Variants in C1QC observed in about 807,000 individuals in gnomAD.
C1QC encodes complement C1q subcomponent subunit C.
Under a neutral mutation model 5.9 loss-of-function variants are expected in C1QC, and 4 were observed. The observed-to-expected ratio is 0.68, with a 90% CI of 0.33 to 1.55. The LOEUF (loss-of-function observed/expected upper bound fraction) is 1.55, where lower values mean the gene tolerates loss of function less well. Among genes scored for constraint, C1QC ranks in the 40% most tolerant of loss-of-function variants. The probability of loss-of-function intolerance (pLI) is 0.06; values close to 1 mark genes in which losing one functional copy is unlikely to be tolerated. For missense variants in C1QC, 299 were observed against 326.9 expected (o/e 0.91, Z 0.66); for synonymous variants, 166 against 153.8 (o/e 1.08, Z -0.59).
chr1:22,647,665 T>G lies in C1QC; in HGVS notation c.620T>G (p.Val207Gly). 6.2e-7 allele frequency: 1 copy of G among 1,612,094 alleles called. No individual in the cohort carries two copies. The highest frequency in any genetic ancestry group is 8.5e-7 in the Non-Finnish European group (1 of 1,179,824). The change falls in exon 3 of 3, where the codon GTG (valine) becomes GGG (glycine). Residue 207 changes from valine (V) to glycine (G), a missense_variant. Coordinates refer to ENST00000374640, the MANE Select transcript of C1QC (RefSeq NM_172369.5). ...ACCAATCAGGTCAACTCGGGCGGTG[T>G]GCTGCTGAGGTTGCAGGTGGGCGAG... Reference protein sequence around the residue: ...SKTNQVNSGGVLLRLQVGEEV... With the variant: ...SKTNQVNSGGGLLRLQVGEEV...
At chr1:22,645,698 C>T (rs892082114) in intron 2 of C1QC, among the ~76,000 whole-genome samples, 47 of 152,344 alleles carry the variant, frequency 3.1e-4, no homozygotes, top group African/African-American at 1.1e-3. Flanking sequence ...GCCTGTCCCA[C>T]TCCACCCTTT....
chr1:22,644,983 G>C lies in C1QC; in HGVS notation c.181+779G>C, dbSNP rs373808317. On this transcript the variant is annotated intron_variant, in intron 2 of 2. Transcript: ENST00000374640. The stretch of plus-strand genomic sequence containing the variant: ...ACTGGGGCTGGAACTGGAGCCCTGG[G>C]GGGTATGAGTGCCTTGTCTGTGAGT... Among the ~76,000 whole-genome samples, 15 of 152,236 alleles carry C rather than the reference G, an allele frequency of 9.9e-5. No homozygotes were observed. In the East Asian group the frequency reaches 1.7e-3, roughly 18 times the overall value.
chr1:22,644,953 G>C (rs672693), intron 2 of C1QC, among the ~76,000 whole-genome samples: 1 of 151,842 alleles, frequency 6.6e-6, no homozygotes, highest in Non-Finnish European at 1.5e-5. Context: ...GGCTATGAAT[G>C]GGTGACTGGG....
chr1:22,646,679 A>T (rs922304012), intron 2 of C1QC, among the ~76,000 whole-genome samples: 3 of 152,218 alleles, frequency 2.0e-5, no homozygotes, highest in African/African-American at 2.4e-5. Flanking sequence ...CAGAAATACA[A>T]AATTAGGCAA....
Position 22,647,750 on chromosome 1 carries a change from C to A in C1QC, c.705C>A (p.Ser235Arg). 1 of 1,600,198 alleles carries A rather than the reference C, an allele frequency of 6.2e-7. No individual in the cohort carries two copies. The highest frequency in any genetic ancestry group is 8.5e-7 in the Non-Finnish European group (1 of 1,179,952). The change falls in exon 3 of 3, where the codon AGC becomes AGA. Residue 235 changes from serine (S) to arginine (R), a missense_variant. Ser to Arg is a moderately radical substitution (Grantham distance 110). This residue lies in a region of C1QC where 144 missense variants were observed against 155.1 expected (regional missense o/e 0.93). Transcript: ENST00000374640. ...YDMVGIQGSD[S>R]VFSGFLLFPD ...TGGTGGGCATCCAGGGCTCTGACAG[C>A]GTCTTCTCCGGCTTCCTGCTCTTCC...
In C1QC at chr1:22,647,251, G is replaced by A. The variant is rs781559868; in HGVS notation, c.206G>A (p.Arg69Gln). The A allele has an allele frequency of 5.6e-6, 9 of 1,608,216 alleles. No homozygotes were observed. The highest frequency in any genetic ancestry group is 2.2e-5 in the East Asian group (1 of 44,864). ...GGAATCCCAGCCATTCCCGGGATCC[G>A]AGGACCCAAAGGGCAGAAGGGAGAA... Reference protein sequence around the residue: ...EPGIPAIPGIRGPKGQKGEPG... With the variant: ...EPGIPAIPGIQGPKGQKGEPG... Residue 69 changes from arginine (R) to glutamine (Q), a missense_variant, in exon 3 of 3, where the codon CGA (arginine) becomes CAA (glutamine). By Grantham distance (43) the Arg-to-Gln change is conservative (BLOSUM62 1). Coordinates refer to ENST00000374640, the MANE Select transcript of C1QC (RefSeq NM_172369.5).
chr1:22,644,346 C>T (rs1302808503), intron 2 of C1QC, 142 bp downstream of exon 2: 33 of 1,162,924 alleles, frequency 2.8e-5, no homozygotes, highest in Non-Finnish European at 3.5e-5. Flanking sequence ...TGGACTCTCA[C>T]GGTGTGTCTG....
rs761295433 is a variant in C1QC, at chr1:22,647,771, C to T, written c.726C>T (p.Leu242=). The change falls in exon 3 of 3, where the codon CTC becomes CTT. Residue 242 remains leucine (L), a synonymous_variant. Coordinates refer to ENST00000374640, the MANE Select transcript of C1QC (RefSeq NM_172369.5). ...GSDSVFSGFL[L]FPD is the part of the protein sequence containing the mutation. ...ACAGCGTCTTCTCCGGCTTCCTGCT[C>T]TTCCCCGACTAGGGCGGGCAGATGC... The T allele has an allele frequency of 4.4e-6, 7 of 1,599,686 alleles. No homozygotes were observed. Among genetic ancestry groups the T allele is most frequent in the African/African-American group, 4.0e-5 (3 of 74,930 alleles).
rs367838299 is a variant in C1QC, at chr1:22,644,031, T to C, written c.8T>C (p.Val3Ala). ...CCCAGTTCCTTCTCCGGGATGGACGTGGGGCCCAGCTCCCTGCCCCACCTT... is the reference window on the plus strand; with the variant it reads ...CCCAGTTCCTTCTCCGGGATGGACGCGGGGCCCAGCTCCCTGCCCCACCTT... The part of the protein sequence containing the change: MD[V>A]GPSSLPHLGL... Residue 3 changes from valine to alanine, a missense_variant, in exon 2 of 3, where the codon GTG (valine) becomes GCG (alanine). This residue lies in a region of C1QC where 146 missense variants were observed against 144.1 expected (regional missense o/e 1.01). Coordinates refer to ENST00000374640, the MANE Select transcript of C1QC (RefSeq NM_172369.5). The C allele has an allele frequency of 4.8e-4, 763 of 1,590,898 alleles. 10 individuals are homozygous for C. In the South Asian group the frequency reaches 7.5e-3, roughly 16 times the overall value.
intron 2 of C1QC, among the ~76,000 whole-genome samples, chr1:22,645,564 C>T (rs1204865718): frequency 6.6e-6 from 1 of 152,156 alleles, no homozygotes; most frequent in Non-Finnish European, 1.5e-5. Flanking sequence ...TTTCCTGGCC[C>T]CCTCTCAATT....
At chr1:22,644,330 C>A (rs909559891) in intron 2 of C1QC, 126 bp downstream of exon 2, 5 of 1,265,374 alleles carry the variant, frequency 4.0e-6, no homozygotes, top group African/African-American at 3.0e-5. Flanking sequence ...TGCCCCAGGG[C>A]AGAGGTGGAC....
rs563411037 is a variant in C1QC at position 22,644,281 on chromosome 1, G to A, written c.181+77G>A. ...TGTCTGTCTGGGGCTGACCAAGGGG[G>A]CGGGGGACAGCAGGAAGTGCTTGCC... On this transcript the variant is annotated intron_variant, in intron 2 of 2. Coordinates refer to ENST00000374640, the MANE Select transcript of C1QC (RefSeq NM_172369.5). 2.1e-4 allele frequency: 304 copies of A among 1,450,416 alleles called. 1 individual carries two copies. The African/African-American group carries it at 4.0e-3, about 19-fold the overall frequency. 89.8% of individuals were successfully genotyped at this position (1,450,416 alleles called of 1,614,324 possible). A position where few individuals can be genotyped will look rare whatever the true frequency, so the allele number is the denominator to read the frequency against.
intron 2 of C1QC, among the ~76,000 whole-genome samples, chr1:22,644,693 A>C (rs191595887): frequency 2.2e-4 from 34 of 152,306 alleles, no homozygotes; most frequent in Admixed American, 1.4e-3. Flanking sequence ...AAACGAGGAG[A>C]TGGTAGCACC....
chr1:22,644,597 G>A (rs987598182), intron 2 of C1QC, among the ~76,000 whole-genome samples: 2 of 152,206 alleles, frequency 1.3e-5, no homozygotes, highest in African/African-American at 4.8e-5. Flanking sequence ...GACTGCCAGG[G>A]TTCAAATCCC....
chr1:22,645,561 GC>G (rs1410142239), intron 2 of C1QC, among the ~76,000 whole-genome samples: 7 of 152,116 alleles, frequency 4.6e-5, no homozygotes, highest in Admixed American at 2.6e-4. Context: ...CTGTTTCCTG[GC>G]CCCCTCTCAA....
At position 22,647,503 on chromosome 1, in the gene C1QC, C is replaced by T. The variant is rs552511537; in HGVS notation, c.458C>T (p.Thr153Met). ...ACCAACCCGCAGGGAGATTATGACA[C>T]GAGCACTGGCAAGTTCACCTGCAAA... ...VLTNPQGDYD[T>M]STGKFTCKVP... Residue 153 changes from threonine (T) to methionine (M), a missense_variant, in exon 3 of 3, where the codon ACG becomes ATG. This residue lies in a region of C1QC where 144 missense variants were observed against 155.1 expected (regional missense o/e 0.93). Coordinates refer to ENST00000374640, the MANE Select transcript of C1QC (RefSeq NM_172369.5). 41 of 1,614,236 alleles carry T rather than the reference C, an allele frequency of 2.5e-5. 1 individual carries two copies. In the South Asian group the frequency reaches 3.7e-4, roughly 15 times the overall value.
chr1:22,647,079 T>G (rs1444704318), intron 2 of C1QC, 148 bp from the exon 3 acceptor site: 5 of 949,430 alleles, frequency 5.3e-6, no homozygotes, highest in Admixed American at 2.4e-5. Context: ...CCTAACTCCC[T>G]GCACCCTGCT....
At position 22,647,612 on chromosome 1, in the gene C1QC, G is replaced by A; in HGVS notation, c.567G>A (p.Val189=). The change falls in exon 3 of 3, where the codon GTG becomes GTA. Residue 189 remains valine (V), a synonymous_variant. Coordinates refer to ENST00000374640, the MANE Select transcript of C1QC (RefSeq NM_172369.5). ...CVLLYRSGVK[V]VTFCGHTSKT... ...TGCTGTACCGCAGCGGCGTCAAAGT[G>A]GTCACCTTCTGTGGCCACACGTCCA... 3 of 1,614,178 alleles carry A rather than the reference G, an allele frequency of 1.9e-6. No individual in the cohort carries two copies. Among genetic ancestry groups the A allele is most frequent in the Non-Finnish European group, 2.5e-6 (3 of 1,180,040 alleles).
intron 2 of C1QC, 94 bp downstream of exon 2, chr1:22,644,298 G>GGGGGAC (rs1642333028): frequency 1.4e-6 from 2 of 1,418,058 alleles, no homozygotes; most frequent in Non-Finnish European, 1.9e-6. Flanking sequence ...ACAGCAGGAA[G>GGGGGAC]TGCTTGCCTT....
Sources: allele counts gnomAD v4.1 joint callset (sites outside exome capture counted in the v4.1 genomes callset), GRCh38; gene constraint gnomAD v4.1.1; regional missense constraint gnomAD v4.1.1; transcripts MANE v1.5; gene names NCBI Gene and HGNC (gene_info 2026-07-23, HGNC 2026-07-21).